The following KIAA0753 variants were observed in gnomAD, a reference collection of about 807,000 sequenced individuals.
The protein encoded by KIAA0753 is protein moonraker.
Under a neutral mutation model 116.9 loss-of-function variants are expected in KIAA0753, and 114 were observed. That is an observed-to-expected ratio of 0.98 (90% confidence interval 0.84 to 1.14). KIAA0753 has a LOEUF of 1.14. Among genes scored for constraint, KIAA0753 ranks in the 50% most tolerant of loss-of-function variants. The probability of loss-of-function intolerance (pLI) is 0.00; values close to 1 mark genes in which losing one functional copy is unlikely to be tolerated. For synonymous variants in KIAA0753, 405 were observed against 413.1 expected, an observed-to-expected ratio of 0.98 and a Z score of 0.24; for missense variants, 1,156 against 1,172.4, an observed-to-expected ratio of 0.99 and a Z score of 0.20.
rs1332622052 is a variant in KIAA0753 at position 6,594,838 on chromosome 17, AAG to A, written c.2440+132_2440+133del. 3 of 689,268 alleles carry A rather than the reference AAG, an allele frequency of 4.4e-6. No individual in the cohort carries two copies. In the Admixed American group the frequency reaches 8.5e-5, roughly 19 times the overall value. The allele number at this position is 689,268 out of a possible 1,614,324, so 42.7% of individuals were successfully genotyped here. On this transcript the variant is annotated intron_variant, in intron 16 of 18. Transcript: ENST00000361413. Reference sequence around the variant, plus strand: ...AGAGGGATAAATAGGTGACAAAGCAAAGAGAGTGAAATGTTAATTGTAGAATC... The same window carrying A: ...AGAGGGATAAATAGGTGACAAAGCAAAGAGTGAAATGTTAATTGTAGAATC...
chr17:6,602,447 A>C (rs571462316), intron 12 of KIAA0753, among the ~76,000 whole-genome samples: 1 of 152,366 alleles, frequency 6.6e-6, no homozygotes, highest in African/African-American at 2.4e-5. Context: ...AAATGGATGA[A>C]CTATGCTGAT....
chr17:6,606,135 G>A (rs907196156), intron 12 of KIAA0753, among the ~76,000 whole-genome samples: 3 of 152,142 alleles, frequency 2.0e-5, no homozygotes, highest in African/African-American at 4.8e-5. Context: ...GCCTCAGTTG[G>A]GGGGAAAAGA....
chr17:6,623,650 C>T, intron 4 of KIAA0753, 79 bp from the exon 5 acceptor site: 1 of 1,513,656 alleles, frequency 6.6e-7, no homozygotes, highest in South Asian at 1.3e-5. Flanking sequence ...ATCGATATAT[C>T]TCCTCTTGTC....
intron 2 of KIAA0753, among the ~76,000 whole-genome samples, chr17:6,629,666 C>A (rs1447972506): frequency 6.6e-6 from 1 of 152,176 alleles, no homozygotes; most frequent in Non-Finnish European, 1.5e-5. Flanking sequence ...TCCATGCCTA[C>A]AAATTCAATG....
chr17:6,613,337 T>C (rs929185604), intron 7 of KIAA0753, among the ~76,000 whole-genome samples: 3 of 152,040 alleles, frequency 2.0e-5, no homozygotes, highest in Non-Finnish European at 4.4e-5. Context: ...AGATGTCAGT[T>C]CTCCCCCAAA....
At chr17:6,601,789 A>C (rs752997191) in intron 12 of KIAA0753, among the ~76,000 whole-genome samples, 9 of 152,252 alleles carry the variant, frequency 5.9e-5, no homozygotes, top group Non-Finnish European at 1.0e-4. Flanking sequence ...ACTAACCAGA[A>C]AAGAAAAATT....
At chr17:6,623,211 T>C (rs1420007003) in intron 5 of KIAA0753, 114 bp from the exon 6 acceptor site, 2 of 1,087,122 alleles carry the variant, frequency 1.8e-6, no homozygotes, top group Non-Finnish European at 2.6e-6. Flanking sequence ...TGCTTTCTAT[T>C]GTGAAAACTT....
rs1459801240 is a variant in KIAA0753 at position 6,639,417 on chromosome 17, G to A, written c.-69+1220C>T. 1 of 152,246 alleles carries A rather than the reference G, an allele frequency of 6.6e-6. No individual in the cohort carries two copies. The highest frequency in any genetic ancestry group is 1.5e-5 in the Non-Finnish European group (1 of 68,236). 9.4% of individuals were successfully genotyped at this position (152,246 alleles called of 1,614,324 possible). A position where few individuals can be genotyped will look rare whatever the true frequency, so the allele number is the denominator to read the frequency against. On this transcript the variant is annotated intron_variant, in intron 1 of 18. Transcript: ENST00000361413. This position sits in a 1 kb window ranked among gnomAD's most constrained non-coding sequence, Gnocchi z 4.3. The stretch of plus-strand genomic sequence containing the variant: ...TCTGTTCTTTTTCACAAGGGCCTGA[G>A]ACAAACCCATAGCCTATCTCCTCCC...
At chr17:6,621,036 TC>T in intron 6 of KIAA0753, 38 bp from the exon 7 acceptor site, 2 of 1,595,700 alleles carry the variant, frequency 1.3e-6, no homozygotes, top group South Asian at 2.2e-5. Context: ...TTAGTTTATC[TC>T]GCAAAAGTAT....
At chr17:6,604,995 C>G (rs567747564) in intron 12 of KIAA0753, among the ~76,000 whole-genome samples, 1 of 151,710 alleles carries the variant, frequency 6.6e-6, no homozygotes, top group East Asian at 1.9e-4. Context: ...TATGCCTAAC[C>G]CCAGCCCTCC....
rs761316249 is a variant in KIAA0753, at chr17:6,608,416, C to T, written c.1761G>A (p.Glu587=). ...CTTGAGGATCTTCTTGCTGGAGAGG[C>T]TCTTTTGTGGCATCTCTGGGGCTAG... ...VKTSPRDATK[E]PLQQEDPQEE... The change falls in exon 10 of 19, where the codon GAG becomes GAA. Residue 587 remains glutamate, a synonymous_variant. Transcript: ENST00000361413. 1 of 1,566,596 alleles carries T rather than the reference C, an allele frequency of 6.4e-7. No homozygotes were observed. The highest frequency in any genetic ancestry group is 1.2e-5 in the South Asian group (1 of 85,516).
chr17:6,622,683 C>T (rs752012689), intron 6 of KIAA0753, among the ~76,000 whole-genome samples, 199 bp downstream of exon 6: 3 of 152,158 alleles, frequency 2.0e-5, no homozygotes, highest in Non-Finnish European at 4.4e-5. Flanking sequence ...TACCAATTTT[C>T]GAAGCAGTGA....
At chr17:6,594,287 C>A (rs1233253986) in intron 16 of KIAA0753, among the ~76,000 whole-genome samples, 3 of 136,692 alleles carry the variant, frequency 2.2e-5, no homozygotes, top group Non-Finnish European at 4.8e-5. Context: ...ACCCCCCCCC[C>A]CAGAACTATA....
rs1968236249 is a variant in KIAA0753 at position 6,582,305 on chromosome 17, A to C, written c.2787-2441T>G. 1.3e-5 allele frequency among the ~76,000 whole-genome samples: 2 copies of C among 152,220 alleles called. 1 individual carries two copies. On this transcript the variant is annotated intron_variant, in intron 18 of 18. Coordinates refer to ENST00000361413, the MANE Select transcript of KIAA0753 (RefSeq NM_014804.3). ...AAAGAGTCAACATACTGTGTTCAAA[A>C]GTTATTTAGGCTTCATGCCGTTAAT...
intron 16 of KIAA0753, among the ~76,000 whole-genome samples, chr17:6,594,669 T>C (rs974918296): frequency 6.6e-6 from 1 of 152,264 alleles, no homozygotes. Flanking sequence ...TGCATTTTAT[T>C]ATCTGTAAAT....
chr17:6,620,727 T>C lies in KIAA0753; in HGVS notation c.1315+61A>G, dbSNP rs1567574946. ...GACTTTCCCCTCAGTGCAGTAACTG[T>C]TATAGCCCAGATAATTGTAATGAAT... is the stretch of plus-strand genomic sequence containing the variant. On this transcript the variant is annotated intron_variant, in intron 7 of 18. Transcript: ENST00000361413. The C allele has an allele frequency of 6.5e-6, 10 of 1,533,128 alleles. No homozygotes were observed. The East Asian group carries it at 2.0e-4, about 31-fold the overall frequency. 95.0% of individuals were successfully genotyped at this position (1,533,128 alleles called of 1,614,324 possible).
Position 6,596,572 on chromosome 17 carries a change from T to C in KIAA0753, c.2173-229A>G, listed in dbSNP as rs568859715. Among the ~76,000 whole-genome samples, 3 of 152,374 alleles carry C rather than the reference T, an allele frequency of 2.0e-5. No individual in the cohort carries two copies. The East Asian group carries it at 5.8e-4, about 29-fold the overall frequency. On this transcript the variant is annotated intron_variant, in intron 14 of 18. Transcript: ENST00000361413. ...TATCACAGTCATTTAAATGATAGCA[T>C]TAACCAAGTAATACCATTATTGTCC... is the stretch of plus-strand genomic sequence containing the variant.
chr17:6,595,630 T>G (rs1253825839), intron 15 of KIAA0753, among the ~76,000 whole-genome samples: 1 of 152,240 alleles, frequency 6.6e-6, no homozygotes, highest in Non-Finnish European at 1.5e-5. Context: ...CTGCCAGGAT[T>G]TTTTTGTGAC....
chr17:6,636,088 A>C (rs1205629708), intron 1 of KIAA0753: 13 of 152,204 alleles, frequency 8.5e-5, no homozygotes, highest in Admixed American at 3.9e-4. Context: ...TCTCTCAAAA[A>C]ATCCTACAGT....
Sources: allele counts gnomAD v4.1 joint callset (sites outside exome capture counted in the v4.1 genomes callset), GRCh38; gene constraint gnomAD v4.1.1; non-coding constraint Gnocchi (gnomAD v3.1); transcripts MANE v1.5; gene names NCBI Gene and HGNC (gene_info 2026-07-23, HGNC 2026-07-21).